GFM1: variants seen among roughly 807,000 people sequenced by gnomAD.
GFM1 encodes G elongation factor mitochondrial 1, also known as elongation factor G, mitochondrial.
In GFM1, 62 loss-of-function variants were observed where a neutral mutation model predicts 96.2. The ratio of observed to expected loss-of-function variants is 0.64; its 90% CI spans 0.53 to 0.80. The LOEUF (loss-of-function observed/expected upper bound fraction) is 0.80, where lower values mean the gene tolerates loss of function less well. Among genes scored for constraint, GFM1 ranks in the 30% least tolerant of loss-of-function variants. The pLI is 0.00. For missense variants in GFM1, 852 were observed against 916.6 expected, an observed-to-expected ratio of 0.93 and a Z score of 0.91; for synonymous variants, 282 against 312.9, an observed-to-expected ratio of 0.90 and a Z score of 1.04.
chr3:158,672,423 T>G (rs1398779364), intron 13 of GFM1: 16 of 1,614,090 alleles, frequency 9.9e-6, no homozygotes, highest in African/African-American at 1.3e-5. Context: ...GTTGATGTAG[T>G]TCTGTGCCAC....
chr3:158,684,479 A>C (rs2108102248), intron 14 of GFM1, 45 bp from the exon 15 acceptor site: 1 of 1,607,618 alleles, frequency 6.2e-7, no homozygotes, highest in Non-Finnish European at 8.5e-7. Context: ...ATGTATCTGC[A>C]AGTAAAATCC....
At chr3:158,644,965 T>G in intron 1 of GFM1, 1 of 416,318 alleles carries the variant, frequency 2.4e-6, no homozygotes. Flanking sequence ...TGATATTTTA[T>G]CCACCTTTTC....
intron 13 of GFM1, among the ~76,000 whole-genome samples, chr3:158,669,787 A>C (rs1576763979): frequency 6.6e-6 from 1 of 152,342 alleles, no homozygotes; most frequent in African/African-American, 2.4e-5. Context: ...TAGACTTATC[A>C]TGTGAATACC....
At chr3:158,675,600 A>G (rs998039432) in intron 13 of GFM1, among the ~76,000 whole-genome samples, 8 of 152,126 alleles carry the variant, frequency 5.3e-5, no homozygotes, top group African/African-American at 1.9e-4. Flanking sequence ...TACTGATTCA[A>G]TCAGTTGTAT....
chr3:158,658,414 C>T (rs1171968462), intron 8 of GFM1, among the ~76,000 whole-genome samples: 1 of 152,146 alleles, frequency 6.6e-6, no homozygotes, highest in East Asian at 1.9e-4. Flanking sequence ...ATCCGCTCGC[C>T]TCTGCCTCCC....
chr3:158,647,056 T>C, intron 4 of GFM1, 109 bp downstream of exon 4: 1 of 898,820 alleles, frequency 1.1e-6, no homozygotes, highest in Non-Finnish European at 1.8e-6. Context: ...TAAATTTAGT[T>C]TTTTAAATAT....
Position 158,650,864 on chromosome 3 carries a change from AC to A in GFM1, c.690-1231del, listed in dbSNP as rs544800012. ...GGTGAAACCCGTCTCCATTAAAAAT[AC>A]AAAAAATTAGCCGGGCGTGGTGGCG... On this transcript the variant is annotated intron_variant, in intron 5 of 17. Coordinates refer to ENST00000486715, the MANE Select transcript of GFM1 (RefSeq NM_024996.7). 367 of 152,238 alleles carry A rather than the reference AC, an allele frequency of 2.4e-3. 1 individual carries two copies. The highest frequency in any genetic ancestry group is 4.2e-3 in the Admixed American group (64 of 15,274). 9.4% of individuals were successfully genotyped at this position (152,238 alleles called of 1,614,324 possible).
chr3:158,677,831 A>G (rs1725031682), intron 13 of GFM1, among the ~76,000 whole-genome samples: 1 of 152,146 alleles, frequency 6.6e-6, no homozygotes, highest in South Asian at 2.1e-4. Flanking sequence ...TGTAGATGAA[A>G]CATCCTTCTT....
At position 158,691,153 on chromosome 3, in the gene GFM1, T is replaced by A; in HGVS notation, c.2085T>A (p.Asp695Glu). The stretch of plus-strand genomic sequence containing the variant: ...TTTGTTTTCAGGTCCCTCTAAATGA[T>A]ATGTTTGGTTATTCCACTGAACTTA... ...FTLYADVPLN[D>E]MFGYSTELRS... Residue 695 changes from aspartate to glutamate, a missense_variant, in exon 17 of 18, where the codon GAT becomes GAA. Coordinates refer to ENST00000486715, the MANE Select transcript of GFM1 (RefSeq NM_024996.7). 6.2e-7 allele frequency: 1 copy of A among 1,611,726 alleles called. No individual in the cohort carries two copies. The highest frequency in any genetic ancestry group is 8.5e-7 in the Non-Finnish European group (1 of 1,177,862).
chr3:158,655,718 A>G (rs752040006), intron 8 of GFM1: 3 of 321,664 alleles, frequency 9.3e-6, no homozygotes, highest in African/African-American at 4.3e-5. Context: ...AGTTTCCTCT[A>G]TTGTTAATAC....
At chr3:158,672,191 A>G (rs1448836831) in intron 13 of GFM1, among the ~76,000 whole-genome samples, 3 of 152,092 alleles carry the variant, frequency 2.0e-5, no homozygotes, top group African/African-American at 7.2e-5. Flanking sequence ...TCCCCCAGAA[A>G]CCTTAATATC....
chr3:158,645,153 G>C (rs1229376525), intron 1 of GFM1, among the ~76,000 whole-genome samples: 2 of 152,090 alleles, frequency 1.3e-5, no homozygotes, highest in Non-Finnish European at 2.9e-5. Flanking sequence ...TGTTTGGAGG[G>C]AATTGGAAAT....
Position 158,644,642 on chromosome 3 carries a change from T to C in GFM1, c.8T>C (p.Leu3Pro). 3.2e-6 allele frequency: 5 copies of C among 1,571,422 alleles called. No homozygotes were observed. Among genetic ancestry groups the C allele is most frequent in the Non-Finnish European group, 4.3e-6 (5 of 1,158,924 alleles). ...GCGTGCTCTGCGCTTGCCATGAGACTCCTGGGAGCTGCAGCCGTCGCGGCT... is the reference window on the plus strand; with the variant it reads ...GCGTGCTCTGCGCTTGCCATGAGACCCCTGGGAGCTGCAGCCGTCGCGGCT... Reference protein sequence around the residue: MRLLGAAAVAALG... With the variant: MRPLGAAAVAALG... Residue 3 changes from leucine to proline, a missense_variant, in exon 1 of 18, where the codon CTC becomes CCC. Leu to Pro is a moderately conservative substitution (Grantham distance 98, BLOSUM62 -3). Transcript: ENST00000486715.
intron 13 of GFM1, among the ~76,000 whole-genome samples, chr3:158,668,670 C>G (rs1723961510): frequency 6.6e-6 from 1 of 152,186 alleles, no homozygotes; most frequent in African/African-American, 2.4e-5. Context: ...CTTTGCCTTG[C>G]TTTTGTTATG....
Position 158,695,262 on chromosome 3 carries a change from TGCTCAGGAG to T in GFM1, c.*3799_*3807del, listed in dbSNP as rs946615698. On this transcript the variant is annotated 3_prime_UTR_variant, in exon 18 of 18. Coordinates refer to ENST00000486715, the MANE Select transcript of GFM1 (RefSeq NM_024996.7). ...GGTGGCTCACGCCTGTAGCCCCAGCTGCTCAGGAGGCTGAGGCAGGAGGGTCGCTTGAAC... is the reference window on the plus strand; with the variant it reads ...GGTGGCTCACGCCTGTAGCCCCAGCTGCTGAGGCAGGAGGGTCGCTTGAAC... The T allele has an allele frequency of 2.6e-5, 4 of 152,160 alleles. No homozygotes were observed. The highest frequency in any genetic ancestry group is 4.4e-5 in the Non-Finnish European group (3 of 68,082). 9.4% of individuals were successfully genotyped at this position (152,160 alleles called of 1,614,324 possible).
At chr3:158,656,956 G>A (rs769000972) in intron 8 of GFM1, 4 of 152,170 alleles carry the variant, frequency 2.6e-5, no homozygotes, top group Non-Finnish European at 5.9e-5. Context: ...CCTAACCCTA[G>A]AATCAGCCGT....
rs372089915 is a variant in GFM1, at chr3:158,695,202, C to T, written c.*3735C>T. Among the ~76,000 whole-genome samples the T allele has an allele frequency of 4.1e-4, 62 of 151,802 alleles. No individual in the cohort carries two copies. The highest frequency in any genetic ancestry group is 1.3e-3 in the African/African-American group (52 of 41,406). On this transcript the variant is annotated 3_prime_UTR_variant, in exon 18 of 18. Transcript: ENST00000486715. The stretch of plus-strand genomic sequence containing the variant: ...CACCCTGGCCAACACGGTGAAACCC[C>T]GTCTCTACTATAAATACAAAAATCG...
chr3:158,669,356 A>C, intron 13 of GFM1: 1 of 1,423,306 alleles, frequency 7.0e-7, no homozygotes, highest in Non-Finnish European at 9.6e-7. Context: ...TTAGCAACTA[A>C]CAATTTTAAG....
rs1726428162 is a variant in GFM1, at chr3:158,693,192, A to C, written c.*1725A>C. 1 of 152,190 alleles carries C rather than the reference A, an allele frequency of 6.6e-6. No homozygotes were observed. The highest frequency in any genetic ancestry group is 6.5e-5 in the Admixed American group (1 of 15,274). The allele number at this position is 152,190 out of a possible 1,614,324, so 9.4% of individuals were successfully genotyped here. A position where few individuals can be genotyped will look rare whatever the true frequency, so the allele number is the denominator to read the frequency against. ...TTCCCCCATGAATGTCTGTTGCTAC[A>C]GTAGCATCAGGTCTGAAAAAATGTG... On this transcript the variant is annotated 3_prime_UTR_variant, in exon 18 of 18. Coordinates refer to ENST00000486715, the MANE Select transcript of GFM1 (RefSeq NM_024996.7).
Sources: allele counts gnomAD v4.1 joint callset (sites outside exome capture counted in the v4.1 genomes callset), GRCh38; gene constraint gnomAD v4.1.1; transcripts MANE v1.5; gene names NCBI Gene and HGNC (gene_info 2026-07-23, HGNC 2026-07-21).